The following GRIP1 variants were observed in gnomAD, a reference collection of about 807,000 sequenced individuals.
GRIP1 encodes the protein glutamate receptor-interacting protein 1.
GRIP1 carries 45 observed loss-of-function variants against 129.9 expected under a neutral mutation model. That is an observed-to-expected ratio of 0.35 (90% CI 0.27 to 0.44). GRIP1 has a LOEUF of 0.44. Ranked by LOEUF, GRIP1 falls within the 20% of genes least tolerant of loss-of-function variation. The pLI, the probability that GRIP1 is intolerant of heterozygous loss-of-function variation, is 1.00. For missense variants in GRIP1, 1,196 were observed against 1,396.8 expected (o/e 0.86, Z 2.29); for synonymous variants, 530 against 520.8 (o/e 1.02, Z -0.24).
chr12:66,413,081 C>T (rs919914473), intron 15 of GRIP1, among the ~76,000 whole-genome samples: 2 of 152,092 alleles, frequency 1.3e-5, no homozygotes, highest in African/African-American at 4.8e-5. Flanking sequence ...ATATTCAGGA[C>T]TCGAACTCAG....
chr12:66,656,996 T>C (rs951122975), intron 1 of GRIP1, among the ~76,000 whole-genome samples: 4 of 152,174 alleles, frequency 2.6e-5, no homozygotes, highest in African/African-American at 9.7e-5. Context: ...CCATGATTCT[T>C]GTGTAATTTA....
chr12:66,979,247 A>AC (rs1592421518), intron 1 of GRIP1, among the ~76,000 whole-genome samples: 2 of 147,212 alleles, frequency 1.4e-5, no homozygotes, highest in Admixed American at 6.8e-5. Flanking sequence ...AAAAAAAAAA[A>AC]AAAAAAACAA....
intron 1 of GRIP1, among the ~76,000 whole-genome samples, chr12:66,955,081 A>G (rs1018008449): frequency 1.3e-5 from 2 of 152,136 alleles, no homozygotes; most frequent in African/African-American, 4.8e-5. Context: ...ACAACTTACA[A>G]TGTGTCATGT....
intron 1 of GRIP1, among the ~76,000 whole-genome samples, chr12:67,051,611 A>C (rs2043347636): frequency 6.6e-6 from 1 of 152,154 alleles, no homozygotes; most frequent in African/African-American, 2.4e-5. Flanking sequence ...ACAATAATAC[A>C]GTGGGGTCAA....
chr12:66,365,598 C>T (rs2055091422), intron 23 of GRIP1, among the ~76,000 whole-genome samples: 1 of 152,214 alleles, frequency 6.6e-6, no homozygotes, highest in Non-Finnish European at 1.5e-5. Flanking sequence ...ATCCTTGTTC[C>T]ACAGTTCTAT....
chr12:66,959,908 T>G (rs1009438764), intron 1 of GRIP1, among the ~76,000 whole-genome samples: 8 of 152,146 alleles, frequency 5.3e-5, no homozygotes, highest in African/African-American at 1.7e-4. Context: ...AGTAGCATTA[T>G]AATGTAAAAT....
At chr12:66,495,762 A>C (rs960806934) in intron 7 of GRIP1, among the ~76,000 whole-genome samples, 1 of 152,178 alleles carries the variant, frequency 6.6e-6, no homozygotes, top group Non-Finnish European at 1.5e-5. Flanking sequence ...AGGCGAATGT[A>C]CCACTCAGCA....
intron 1 of GRIP1, among the ~76,000 whole-genome samples, chr12:66,871,021 T>A (rs1408422891): frequency 2.0e-5 from 3 of 152,092 alleles, no homozygotes; most frequent in African/African-American, 7.2e-5. Context: ...TAGTATATGA[T>A]CCTTCTGAGA....
chr12:66,504,482 A>T (rs1351566335), intron 7 of GRIP1, among the ~76,000 whole-genome samples: 1 of 152,138 alleles, frequency 6.6e-6, no homozygotes, highest in African/African-American at 2.4e-5. Context: ...TGGGTGTGGG[A>T]TGGTAATAAG....
intron 2 of GRIP1, among the ~76,000 whole-genome samples, chr12:66,583,517 G>A (rs1407265156): frequency 5.5e-5 from 7 of 127,918 alleles, no homozygotes; most frequent in Non-Finnish European, 1.2e-4. Flanking sequence ...ATCTGACAAA[G>A]GGCTAATATC....
intron 1 of GRIP1, among the ~76,000 whole-genome samples, chr12:66,977,200 C>CTT (rs554293693): frequency 0.018 from 2,520 of 139,650 alleles, 76 homozygotes; most frequent in African/African-American, 0.061. Flanking sequence ...TTAGGTCAAA[C>CTT]TTTTTTTTTT....
At chr12:66,545,337 T>C (rs2870850) in intron 2 of GRIP1, among the ~76,000 whole-genome samples, 54,626 of 152,030 alleles carry the variant, frequency 0.36, 10,021 homozygotes, top group African/African-American at 0.41. Flanking sequence ...AAAGTAACAG[T>C]GATGGTTGGC....
At chr12:66,784,742 A>C (rs1429119221) in intron 1 of GRIP1, among the ~76,000 whole-genome samples, 1 of 152,190 alleles carries the variant, frequency 6.6e-6, no homozygotes, top group African/African-American at 2.4e-5. Flanking sequence ...GAGTCACACA[A>C]AGCATACTCA....
chr12:67,010,341 T>C (rs1482343314), intron 1 of GRIP1, among the ~76,000 whole-genome samples: 2 of 152,182 alleles, frequency 1.3e-5, no homozygotes, highest in Non-Finnish European at 2.9e-5. Flanking sequence ...CATAGGTGTT[T>C]TACTTGCCTT....
chr12:66,973,131 C>CACCATTTTTTTCTATA (rs1216183333), intron 1 of GRIP1, among the ~76,000 whole-genome samples: 2 of 152,072 alleles, frequency 1.3e-5, no homozygotes, highest in Non-Finnish European at 2.9e-5. Context: ...AAAACACAGC[C>CACCATTTTTTTCTATA]ACCATTTTTT....
At chr12:67,060,950 C>T (rs1420543147) in intron 1 of GRIP1, among the ~76,000 whole-genome samples, 1 of 152,042 alleles carries the variant, frequency 6.6e-6, no homozygotes, top group African/African-American at 2.4e-5. Flanking sequence ...TTGTCAGAAG[C>T]CTGGACTGAA....
chr12:66,587,157 G>A (rs2139677159), intron 2 of GRIP1, among the ~76,000 whole-genome samples: 1 of 152,232 alleles, frequency 6.6e-6, no homozygotes, highest in South Asian at 2.1e-4. Flanking sequence ...TCACTTATTA[G>A]CAGAAGTTTC....
chr12:66,464,808 G>A (rs1451051186), intron 8 of GRIP1, among the ~76,000 whole-genome samples: 1 of 140,860 alleles, frequency 7.1e-6, no homozygotes, highest in African/African-American at 2.8e-5. Context: ...TGTATAAACT[G>A]GCAAGAGAAC....
At chr12:66,395,842 C>T (rs1190988033) in intron 16 of GRIP1, among the ~76,000 whole-genome samples, 1 of 152,194 alleles carries the variant, frequency 6.6e-6, no homozygotes. Context: ...TCACAAGTTT[C>T]TTCTGGGCTG....
Sources: allele counts gnomAD v4.1 joint callset (sites outside exome capture counted in the v4.1 genomes callset), GRCh38; gene constraint gnomAD v4.1.1; transcripts MANE v1.5; gene names NCBI Gene and HGNC (gene_info 2026-07-23, HGNC 2026-07-21).